The following AGAP1 variants were observed in gnomAD, a reference collection of about 807,000 sequenced individuals.
AGAP1 encodes the protein ArfGAP with GTPase domain, ankyrin repeat and PH domain 1, also known as arf-GAP with GTPase, ANK repeat and PH domain-containing protein 1.
AGAP1 carries 29 observed loss-of-function variants against 105.3 expected under a neutral mutation model. The observed-to-expected ratio is 0.28, with a 90% CI of 0.21 to 0.38. The LOEUF (loss-of-function observed/expected upper bound fraction) is 0.38. Ranked by LOEUF, AGAP1 falls within the 10% of genes least tolerant of loss-of-function variation. The pLI, the probability that AGAP1 is intolerant of heterozygous loss-of-function variation, is 1.00. For missense variants in AGAP1, 998 were observed against 1,165.1 expected (o/e 0.86, Z 2.09); for synonymous variants, 509 against 485.9 (o/e 1.05, Z -0.63).
At chr2:235,572,080 AGCTCTGCTCCTG>A (rs1229049565) in intron 1 of AGAP1, among the ~76,000 whole-genome samples, 1 of 148,896 alleles carries the variant, frequency 6.7e-6, no homozygotes, top group Non-Finnish European at 1.5e-5. Flanking sequence ...CAAAGCTCAC[AGCTCTGCTCCTG>A]GCTTTGGGGG....
chr2:235,614,689 G>A lies in AGAP1; in HGVS notation c.164-94490G>A, dbSNP rs947681664. Among the ~76,000 whole-genome samples the A allele has an allele frequency of 6.6e-6, 1 of 152,154 alleles. No individual in the cohort carries two copies. Among genetic ancestry groups the A allele is most frequent in the Non-Finnish European group, 1.5e-5 (1 of 68,030 alleles). On this transcript the variant is annotated intron_variant, in intron 1 of 17. Coordinates refer to ENST00000304032, the MANE Select transcript of AGAP1 (RefSeq NM_001037131.3). This position sits in a 1 kb window ranked among gnomAD's most constrained non-coding sequence, Gnocchi z 4.7. ...GGGGTGTGCCAGGCTCAGGGGCAGGGCCCTTTTTCCACACGCTTAGGGAAG... is the reference window on the plus strand; with the variant it reads ...GGGGTGTGCCAGGCTCAGGGGCAGGACCCTTTTTCCACACGCTTAGGGAAG...
intron 1 of AGAP1, among the ~76,000 whole-genome samples, chr2:235,560,617 G>T (rs918455730): frequency 9.2e-5 from 14 of 152,192 alleles, no homozygotes; most frequent in African/African-American, 3.4e-4. Flanking sequence ...TTGCAGCACT[G>T]TTGGCTTTGA....
At chr2:235,756,200 G>A (rs1432192188) in intron 6 of AGAP1, among the ~76,000 whole-genome samples, 6 of 152,302 alleles carry the variant, frequency 3.9e-5, no homozygotes, top group East Asian at 1.9e-4. Context: ...CCTGAGTAGC[G>A]TGTTCGGAGC....
chr2:235,588,529 A>T (rs1291836423), intron 1 of AGAP1, among the ~76,000 whole-genome samples: 2 of 152,074 alleles, frequency 1.3e-5, no homozygotes, highest in African/African-American at 4.8e-5. Context: ...TAACCCCTCC[A>T]AATAGTAAAA....
Position 235,732,850 on chromosome 2 carries a change from G to A in AGAP1, c.311-8113G>A, listed in dbSNP as rs1266857127. Among the ~76,000 whole-genome samples the A allele has an allele frequency of 2.6e-5, 4 of 152,160 alleles. No individual in the cohort carries two copies. The highest frequency in any genetic ancestry group is 2.1e-4 in the South Asian group (1 of 4,828). On this transcript the variant is annotated intron_variant, in intron 3 of 17. Coordinates refer to ENST00000304032, the MANE Select transcript of AGAP1 (RefSeq NM_001037131.3). This position sits in a 1 kb window ranked among gnomAD's most constrained non-coding sequence, Gnocchi z 4.8. ...TGCTCTCATCCTGAGTGTCCTGGAC[G>A]AGATGGGCCAGACCATTCTACCCAC...
In AGAP1 at chr2:235,723,504, T is replaced by A. The variant is rs1333311244; in HGVS notation, c.310+5860T>A. Among the ~76,000 whole-genome samples, 1 of 152,142 alleles carries A rather than the reference T, an allele frequency of 6.6e-6. No homozygotes were observed. The highest frequency in any genetic ancestry group is 6.5e-5 in the Admixed American group (1 of 15,278). On this transcript the variant is annotated intron_variant, in intron 3 of 17. Transcript: ENST00000304032. This position sits in a 1 kb window ranked among gnomAD's most constrained non-coding sequence, Gnocchi z 6.2. ...GGCGTCCTCCTGAGATCTTTTCAGG[T>A]TGCAGAACTGAGTCATTGCTCTGAG...
At chr2:235,594,739 A>G (rs978081688) in intron 1 of AGAP1, among the ~76,000 whole-genome samples, 1 of 151,700 alleles carries the variant, frequency 6.6e-6, no homozygotes, top group Admixed American at 6.6e-5. Context: ...ACCCAGCTAA[A>G]TTTTTTGTAT....
rs368562268 is a variant in AGAP1, at chr2:236,123,732, A to C, written c.2371-187A>C. On this transcript the variant is annotated intron_variant, in intron 17 of 17. Coordinates refer to ENST00000304032, the MANE Select transcript of AGAP1 (RefSeq NM_001037131.3). This position sits in a 1 kb window ranked among gnomAD's most constrained non-coding sequence, Gnocchi z 4.6. Reference sequence around the variant, plus strand: ...AAAAAAAGACATGTTCTTTCCTTAAAAGAATCCGCTGGCCACGGGTGCAGG... The same window carrying C: ...AAAAAAAGACATGTTCTTTCCTTAACAGAATCCGCTGGCCACGGGTGCAGG... Among the ~76,000 whole-genome samples, 25 of 152,254 alleles carry C rather than the reference A, an allele frequency of 1.6e-4. No homozygotes were observed. In the East Asian group the frequency reaches 4.8e-3, roughly 29 times the overall value.
rs1382032183 is a variant in AGAP1, at chr2:235,577,025, C to A, written c.163+82176C>A. Among the ~76,000 whole-genome samples the A allele has an allele frequency of 6.6e-6, 1 of 152,180 alleles. No homozygotes were observed. The highest frequency in any genetic ancestry group is 2.4e-5 in the African/African-American group (1 of 41,442). Reference sequence around the variant, plus strand: ...CCATACCCCAAATGCCAAACTCTACCTCTGCATCTTCACCAAGAAAAGCAT... The same window carrying A: ...CCATACCCCAAATGCCAAACTCTACATCTGCATCTTCACCAAGAAAAGCAT... On this transcript the variant is annotated intron_variant, in intron 1 of 17. Coordinates refer to ENST00000304032, the MANE Select transcript of AGAP1 (RefSeq NM_001037131.3). The surrounding 1 kb of genome is among the most constrained non-coding windows in gnomAD (Gnocchi z 4.5).
rs1194702070 is a variant in AGAP1, at chr2:236,050,335, C to T, written c.2114+1054C>T. Among the ~76,000 whole-genome samples the T allele has an allele frequency of 6.6e-6, 1 of 152,200 alleles. No individual in the cohort carries two copies. The highest frequency in any genetic ancestry group is 2.4e-5 in the African/African-American group (1 of 41,448). On this transcript the variant is annotated intron_variant, in intron 16 of 17. Coordinates refer to ENST00000304032, the MANE Select transcript of AGAP1 (RefSeq NM_001037131.3). The surrounding 1 kb of genome is among the most constrained non-coding windows in gnomAD (Gnocchi z 4.0). ...GAGAGAATGAAGCTGGTGTGTTACTCATCTGGCTCTCCGTATGAGGGATTC... is the reference window on the plus strand; with the variant it reads ...GAGAGAATGAAGCTGGTGTGTTACTTATCTGGCTCTCCGTATGAGGGATTC...
rs1271327098 is a variant in AGAP1 at position 235,867,847 on chromosome 2, A to G, written c.1051-15498A>G. On this transcript the variant is annotated intron_variant, in intron 9 of 17. Transcript: ENST00000304032. This position sits in a 1 kb window ranked among gnomAD's most constrained non-coding sequence, Gnocchi z 5.4. ...GCTTGTATGACCCGTGTGCTTCTCC[A>G]GTTTCCAATGATGACATTCCATCCA... is the stretch of plus-strand genomic sequence containing the variant. 1.3e-5 allele frequency among the ~76,000 whole-genome samples: 2 copies of G among 152,140 alleles called. No individual in the cohort carries two copies. Among genetic ancestry groups the G allele is most frequent in the Non-Finnish European group, 1.5e-5 (1 of 68,020 alleles).
chr2:235,828,923 G>C (rs1959180093), intron 9 of AGAP1, among the ~76,000 whole-genome samples: 1 of 152,356 alleles, frequency 6.6e-6, no homozygotes, highest in African/African-American at 2.4e-5. Context: ...ACAGCTCTCA[G>C]ACGCAGCCTG....
intron 9 of AGAP1, among the ~76,000 whole-genome samples, chr2:235,828,860 C>T (rs977033508): frequency 2.6e-5 from 4 of 152,158 alleles, no homozygotes; most frequent in Non-Finnish European, 4.4e-5. Flanking sequence ...ACCATTTGAA[C>T]GTGCAATGGA....
chr2:235,597,007 G>A (rs1945547324), intron 1 of AGAP1, among the ~76,000 whole-genome samples: 1 of 152,224 alleles, frequency 6.6e-6, no homozygotes, highest in African/African-American at 2.4e-5. Flanking sequence ...CCAGCTGCCA[G>A]AACTGTGAGA....
intron 1 of AGAP1, among the ~76,000 whole-genome samples, chr2:235,520,387 T>A (rs1306132852): frequency 6.6e-6 from 1 of 152,154 alleles, no homozygotes; most frequent in Non-Finnish European, 1.5e-5. Context: ...ACCGTCTTTC[T>A]CTCCTTCCCG....
In AGAP1 at chr2:235,948,834, G is replaced by A. The variant is rs142126386; in HGVS notation, c.1483+17911G>A. On this transcript the variant is annotated intron_variant, in intron 12 of 17. Transcript: ENST00000304032. ...ACAGTCAAGAAAATGACAGGTGTAC[G>A]GGAAGACCCAATTCAATACAGAGCA... Among the ~76,000 whole-genome samples the A allele has an allele frequency of 6.6e-3, 1,009 of 152,212 alleles. 12 individuals carry two copies. Among genetic ancestry groups the A allele is most frequent in the African/African-American group, 0.023 (959 of 41,526 alleles).
chr2:235,545,353 G>A (rs546892476), intron 1 of AGAP1, among the ~76,000 whole-genome samples: 1 of 152,308 alleles, frequency 6.6e-6, no homozygotes, highest in Admixed American at 6.5e-5. Context: ...TTATTGCAGG[G>A]TTAGAAGGTT....
At chr2:235,946,693 A>C (rs2125242426) in intron 12 of AGAP1, among the ~76,000 whole-genome samples, 1 of 152,314 alleles carries the variant, frequency 6.6e-6, no homozygotes, top group African/African-American at 2.4e-5. Context: ...CTGGGCAGCC[A>C]TTCAAGTGCT....
rs1418259228 is a variant in AGAP1 at position 235,866,124 on chromosome 2, T to C, written c.1051-17221T>C. 6.6e-6 allele frequency among the ~76,000 whole-genome samples: 1 copy of C among 152,206 alleles called. No homozygotes were observed. The highest frequency in any genetic ancestry group is 2.4e-5 in the African/African-American group (1 of 41,450). ...CAGATTTACTTGATGCTGTTTTAGT[T>C]AGGCAGCAGCATGCGATGCCCTGTG... is the stretch of plus-strand genomic sequence containing the variant. On this transcript the variant is annotated intron_variant, in intron 9 of 17. Coordinates refer to ENST00000304032, the MANE Select transcript of AGAP1 (RefSeq NM_001037131.3). This position sits in a 1 kb window ranked among gnomAD's most constrained non-coding sequence, Gnocchi z 6.1.
Sources: allele counts gnomAD v4.1 joint callset (sites outside exome capture counted in the v4.1 genomes callset), GRCh38; gene constraint gnomAD v4.1.1; non-coding constraint Gnocchi (gnomAD v3.1); transcripts MANE v1.5; gene names NCBI Gene and HGNC (gene_info 2026-07-23, HGNC 2026-07-21).